Variants in BEND4 observed in about 807,000 individuals in gnomAD.
The protein encoded by BEND4 is BEN domain-containing protein 4.
BEND4 carries 27 observed loss-of-function variants against 54.7 expected under a neutral mutation model. The ratio of observed to expected loss-of-function variants is 0.49; its 90% CI spans 0.36 to 0.68. The LOEUF (loss-of-function observed/expected upper bound fraction) is 0.68, where lower values mean the gene tolerates loss of function less well. Among genes scored for constraint, BEND4 ranks in the 30% least tolerant of loss-of-function variants. The pLI is 0.00. For synonymous variants in BEND4, 327 were observed against 299.5 expected, an observed-to-expected ratio of 1.09 and a Z score of -0.95; for missense variants, 702 against 697.2, an observed-to-expected ratio of 1.01 and a Z score of -0.08.
intron 3 of BEND4, among the ~76,000 whole-genome samples, chr4:42,141,454 G>A (rs1488232866): frequency 1.3e-5 from 2 of 152,186 alleles, no homozygotes; most frequent in African/African-American, 4.8e-5. Flanking sequence ...TATATTGGCC[G>A]GGTGCTGTGG....
chr4:42,135,121 C>T lies in BEND4; in HGVS notation c.1054+8307G>A, dbSNP rs762042836. ...GGAGTCTGGGAGGGAAGCTTAGTGA[C>T]TCTTGCAACAGCTCCAGTTATGAGA... On this transcript the variant is annotated intron_variant, in intron 3 of 5. Coordinates refer to ENST00000502486, the MANE Select transcript of BEND4 (RefSeq NM_207406.4). 1.3e-4 allele frequency among the ~76,000 whole-genome samples: 20 copies of T among 152,120 alleles called. 1 individual carries two copies. The highest frequency in any genetic ancestry group is 3.1e-4 in the African/African-American group (13 of 41,416).
intron 2 of BEND4, among the ~76,000 whole-genome samples, chr4:42,144,582 C>T (rs1721012925): frequency 1.3e-5 from 2 of 152,208 alleles, no homozygotes; most frequent in South Asian, 4.1e-4. Flanking sequence ...CTGTATGTGT[C>T]TTCTAACATC....
Position 42,152,010 on chromosome 4 carries a change from G to A in BEND4, c.134C>T (p.Thr45Ile). 2 of 1,254,130 alleles carry A rather than the reference G, an allele frequency of 1.6e-6. No homozygotes were observed. Among genetic ancestry groups the A allele is most frequent in the Non-Finnish European group, 2.0e-6 (2 of 993,838 alleles). The allele number at this position is 1,254,130 out of a possible 1,614,324, so 77.7% of individuals were successfully genotyped here. A position where few individuals can be genotyped will look rare whatever the true frequency, so the allele number is the denominator to read the frequency against. The change falls in exon 2 of 6, where the codon ACC (threonine) becomes ATC (isoleucine). Residue 45 changes from threonine (T) to isoleucine (I), a missense_variant. Thr to Ile is a moderately conservative substitution (Grantham distance 89). Coordinates refer to ENST00000502486, the MANE Select transcript of BEND4 (RefSeq NM_207406.4). Reference protein sequence around the residue: ...PALAKRYERPTLVELPHVRAP... With the variant: ...PALAKRYERPILVELPHVRAP... ...CCGCACGTGCGGCAGCTCCACCAGG[G>A]TGGGTCGCTCGTAGCGCTTGGCCAG...
chr4:42,125,510 A>T, intron 4 of BEND4, 73 bp downstream of exon 4: 1 of 1,165,004 alleles, frequency 8.6e-7, no homozygotes, highest in South Asian at 1.3e-5. Context: ...CTGTTCTGGT[A>T]TACACTGATA....
intron 3 of BEND4, among the ~76,000 whole-genome samples, chr4:42,136,385 A>G (rs1720698997): frequency 6.6e-6 from 1 of 152,250 alleles, no homozygotes. Flanking sequence ...GCAGAATCCA[A>G]GGTTAGTTCT....
intron 3 of BEND4, among the ~76,000 whole-genome samples, chr4:42,128,127 C>T (rs1273126201): frequency 2.6e-5 from 4 of 152,148 alleles, no homozygotes; most frequent in Non-Finnish European, 5.9e-5. Context: ...TGCCACTGCA[C>T]TCAAGCCTGG....
rs1391161389 is a variant in BEND4, at chr4:42,151,709, GGCC to G, written c.432_434del (p.Ala146del). On this transcript the variant is annotated inframe_deletion, in exon 2 of 6. Coordinates refer to ENST00000502486, the MANE Select transcript of BEND4 (RefSeq NM_207406.4). Reference sequence around the variant, plus strand: ...CGCTACCCGTGCCGCCGGTGCCGGCGGCCGCCGCCGCGCCTGGGCCATACCTGA... The same window carrying G: ...CGCTACCCGTGCCGCCGGTGCCGGCGGCCGCCGCGCCTGGGCCATACCTGA... 1 of 1,502,778 alleles carries G rather than the reference GGCC, an allele frequency of 6.7e-7. No homozygotes were observed. Among genetic ancestry groups the G allele is most frequent in the Non-Finnish European group, 8.8e-7 (1 of 1,130,462 alleles). The allele number at this position is 1,502,778 out of a possible 1,614,324, so 93.1% of individuals were successfully genotyped here.
intron 2 of BEND4, among the ~76,000 whole-genome samples, chr4:42,150,270 C>G (rs1159875942): frequency 6.6e-6 from 1 of 152,052 alleles, no homozygotes; most frequent in African/African-American, 2.4e-5. Context: ...AATATAAAAA[C>G]ACAATGGAAT....
At chr4:42,130,664 A>G (rs750021912) in intron 3 of BEND4, among the ~76,000 whole-genome samples, 1 of 152,170 alleles carries the variant, frequency 6.6e-6, no homozygotes, top group Admixed American at 6.5e-5. Context: ...GCAACTCCTC[A>G]AAGACCTAGA....
rs570889980 is a variant in BEND4, at chr4:42,113,887, C to T, written c.*3631G>A. The T allele has an allele frequency of 1.1e-4, 16 of 152,300 alleles. No individual in the cohort carries two copies. In the East Asian group the frequency reaches 3.1e-3, roughly 29 times the overall value. The allele number at this position is 152,300 out of a possible 1,614,324, so 9.4% of individuals were successfully genotyped here. On this transcript the variant is annotated 3_prime_UTR_variant, in exon 6 of 6. Transcript: ENST00000502486. ...TGCAAATGCTCTAATATTATCCTTACATTCCTAGTGAAGCTTAATGAAACA... is the reference window on the plus strand; with the variant it reads ...TGCAAATGCTCTAATATTATCCTTATATTCCTAGTGAAGCTTAATGAAACA...
Position 42,139,591 on chromosome 4 carries a change from GA to G in BEND4, c.1054+3836del, listed in dbSNP as rs35596478. Among the ~76,000 whole-genome samples the G allele has an allele frequency of 6.8e-3, 943 of 138,550 alleles. 8 individuals carry two copies. Among genetic ancestry groups the G allele is most frequent in the African/African-American group, 0.02 (751 of 38,008 alleles). The allele number at this position is 138,550 out of a possible 152,430, so 90.9% of individuals were successfully genotyped here. A position where few individuals can be genotyped will look rare whatever the true frequency, so the allele number is the denominator to read the frequency against. ...TCCCAGGTATAAAGGCTTTATTTCA[GA>G]AAAAAAAAAAAATCCTCAACAGCAC... On this transcript the variant is annotated intron_variant, in intron 3 of 5. Transcript: ENST00000502486.
Position 42,143,300 on chromosome 4 carries a change from C to CA in BEND4, c.1054+127dup, listed in dbSNP as rs986118623. 2.0e-5 allele frequency: 18 copies of CA among 882,250 alleles called. No homozygotes were observed. In the African/African-American group the frequency reaches 2.9e-4, roughly 14 times the overall value. The allele number at this position is 882,250 out of a possible 1,614,324, so 54.7% of individuals were successfully genotyped here. A position where few individuals can be genotyped will look rare whatever the true frequency, so the allele number is the denominator to read the frequency against. On this transcript the variant is annotated intron_variant, in intron 3 of 5. Coordinates refer to ENST00000502486, the MANE Select transcript of BEND4 (RefSeq NM_207406.4). Reference sequence around the variant, plus strand: ...TTTCCAACTTTTCTACATCACTGGCCAAAAAACAAAAAAAGCCCACACATA... The same window carrying CA: ...TTTCCAACTTTTCTACATCACTGGCCAAAAAAACAAAAAAAGCCCACACATA...
intron 2 of BEND4, among the ~76,000 whole-genome samples, chr4:42,147,776 G>C (rs1006198034): frequency 6.6e-6 from 1 of 151,820 alleles, no homozygotes; most frequent in Non-Finnish European, 1.5e-5. Context: ...ATTCATTTTG[G>C]GAAATTCGTC....
Position 42,131,677 on chromosome 4 carries a change from A to G in BEND4, c.1055-6003T>C, listed in dbSNP as rs778609786. Reference sequence around the variant, plus strand: ...GATGGAAGGAAATGCAGTGTTATGCATATTTACTGGCCACAGGTGGCTCTA... The same window carrying G: ...GATGGAAGGAAATGCAGTGTTATGCGTATTTACTGGCCACAGGTGGCTCTA... On this transcript the variant is annotated intron_variant, in intron 3 of 5. Coordinates refer to ENST00000502486, the MANE Select transcript of BEND4 (RefSeq NM_207406.4). Among the ~76,000 whole-genome samples, 8 of 152,154 alleles carry G rather than the reference A, an allele frequency of 5.3e-5. No homozygotes were observed. In the South Asian group the frequency reaches 1.0e-3, roughly 20 times the overall value.
At chr4:42,141,650 A>C (rs1473689528) in intron 3 of BEND4, among the ~76,000 whole-genome samples, 3 of 152,200 alleles carry the variant, frequency 2.0e-5, no homozygotes, top group African/African-American at 7.2e-5. Flanking sequence ...CTGAGGCAGG[A>C]GAATCGCTTG....
At chr4:42,145,609 T>C (rs1208667447) in intron 2 of BEND4, among the ~76,000 whole-genome samples, 1 of 151,476 alleles carries the variant, frequency 6.6e-6, no homozygotes, top group African/African-American at 2.4e-5. Flanking sequence ...GGAGAATCGC[T>C]TGAACCCAGA....
chr4:42,120,833 A>G (rs1394508622), intron 4 of BEND4, among the ~76,000 whole-genome samples: 2 of 128,856 alleles, frequency 1.6e-5, no homozygotes, highest in East Asian at 3.9e-4. Context: ...GTGGAAACTG[A>G]AAAAAAAAAT....
chr4:42,130,119 C>T (rs1363495831), intron 3 of BEND4, among the ~76,000 whole-genome samples: 1 of 152,152 alleles, frequency 6.6e-6, no homozygotes, highest in Non-Finnish European at 1.5e-5. Context: ...CAAAAGAAGA[C>T]ATTTATGTGG....
intron 4 of BEND4, among the ~76,000 whole-genome samples, chr4:42,122,871 C>T (rs891453409): frequency 3.3e-5 from 5 of 152,162 alleles, no homozygotes; most frequent in African/African-American, 9.7e-5. Context: ...GACGGGGCTG[C>T]GGATGCCATC....
Sources: allele counts gnomAD v4.1 joint callset (sites outside exome capture counted in the v4.1 genomes callset), GRCh38; gene constraint gnomAD v4.1.1; transcripts MANE v1.5; gene names NCBI Gene and HGNC (gene_info 2026-07-23, HGNC 2026-07-21).